The following GNB1 variants were observed in gnomAD, a reference collection of about 807,000 sequenced individuals.
GNB1 encodes the protein guanine nucleotide-binding protein G(I)/G(S)/G(T) subunit beta-1.
A neutral mutation model predicts 42.9 loss-of-function variants in GNB1; 2 were observed. The ratio of observed to expected loss-of-function variants is 0.05; its 90% CI spans 0.02 to 0.15. The LOEUF (loss-of-function observed/expected upper bound fraction) is 0.15. Among genes scored for constraint, GNB1 ranks in the 10% least tolerant of loss-of-function variants. The pLI, the probability that GNB1 is intolerant of heterozygous loss-of-function variation, is 1.00. For synonymous variants in GNB1, 183 were observed against 174.7 expected (o/e 1.05, Z -0.38); for missense variants, 193 against 462.2 (o/e 0.42, Z 5.34).
chr1:1,820,694 A>T (rs748568460), intron 3 of GNB1, among the ~76,000 whole-genome samples: 44 of 152,216 alleles, frequency 2.9e-4, no homozygotes, highest in Non-Finnish European at 5.4e-4. Flanking sequence ...AAAACATGAG[A>T]TTTAAGCAAC....
At chr1:1,816,983 C>T (rs555707746) in intron 4 of GNB1, among the ~76,000 whole-genome samples, 10 of 152,252 alleles carry the variant, frequency 6.6e-5, no homozygotes, top group African/African-American at 2.2e-4. Flanking sequence ...TTAAAGTCTA[C>T]AGTTCAGTGG....
At chr1:1,801,366 C>T (rs1340901558) in intron 7 of GNB1, among the ~76,000 whole-genome samples, 3 of 152,082 alleles carry the variant, frequency 2.0e-5, no homozygotes, top group Non-Finnish European at 4.4e-5. Flanking sequence ...ATTATAAGAC[C>T]CCTAATTTCT....
intron 1 of GNB1, among the ~76,000 whole-genome samples, chr1:1,870,467 A>ACT (rs1228214745): frequency 6.6e-6 from 1 of 152,186 alleles, no homozygotes; most frequent in East Asian, 1.9e-4. Flanking sequence ...TTATAGTTAT[A>ACT]AGCCACTATA....
At chr1:1,871,524 T>C (rs1475249319) in intron 1 of GNB1, among the ~76,000 whole-genome samples, 1 of 152,004 alleles carries the variant, frequency 6.6e-6, no homozygotes, top group Non-Finnish European at 1.5e-5. Context: ...ATCCCACCTC[T>C]CCGTGTCTCC....
At chr1:1,878,627 T>C (rs764797884) in intron 1 of GNB1, among the ~76,000 whole-genome samples, 15 of 152,208 alleles carry the variant, frequency 9.9e-5, no homozygotes, top group Non-Finnish European at 1.5e-4. Flanking sequence ...CACTGTCGCA[T>C]AGGTAACATT....
In GNB1 at chr1:1,815,827, T is replaced by C; in HGVS notation, c.132A>G (p.Gln44=). 6.2e-7 allele frequency: 1 copy of C among 1,610,186 alleles called. No homozygotes were observed. The highest frequency in any genetic ancestry group is 8.5e-7 in the Non-Finnish European group (1 of 1,176,366). Residue 44 remains glutamine (Q), a synonymous_variant, in exon 5 of 12, where the codon CAA becomes CAG. Transcript: ENST00000378609. The part of the protein sequence containing the change: ...TNNIDPVGRI[Q]MRTRRTLRGH... Reference sequence around the variant, plus strand: ...CCCGCAGTGTCCTCCTCGTGCGCATTTGGATTCTTCCCACTGGGTCGATGT... The same window carrying C: ...CCCGCAGTGTCCTCCTCGTGCGCATCTGGATTCTTCCCACTGGGTCGATGT...
chr1:1,852,136 G>A (rs1247629577), intron 1 of GNB1, among the ~76,000 whole-genome samples: 1 of 149,552 alleles, frequency 6.7e-6, no homozygotes, highest in East Asian at 1.9e-4. Flanking sequence ...CAAACGTTAG[G>A]AGCCAGGCGT....
chr1:1,813,575 C>T (rs1557897071), intron 5 of GNB1, among the ~76,000 whole-genome samples: 1 of 152,168 alleles, frequency 6.6e-6, no homozygotes, highest in African/African-American at 2.4e-5. Flanking sequence ...CTCTGCTTCC[C>T]TGACTCCTGG....
chr1:1,787,624 T>G lies in GNB1; in HGVS notation c.917-187A>C, dbSNP rs1341110332. ...ACCTGCAGCATATGGCCAGCCTTGT[T>G]AAAATTCAAAGACACGCACACACAC... On this transcript the variant is annotated intron_variant, in intron 10 of 11. Transcript: ENST00000378609. The surrounding 1 kb of genome is among the most constrained non-coding windows in gnomAD (Gnocchi z 4.4). Among the ~76,000 whole-genome samples, 2 of 152,100 alleles carry G rather than the reference T, an allele frequency of 1.3e-5. No homozygotes were observed. The highest frequency in any genetic ancestry group is 2.9e-5 in the Non-Finnish European group (2 of 68,006).
At chr1:1,888,151 G>A (rs559545823) in intron 1 of GNB1, among the ~76,000 whole-genome samples, 5 of 152,294 alleles carry the variant, frequency 3.3e-5, no homozygotes, top group Admixed American at 2.6e-4. Flanking sequence ...CAGATTACGC[G>A]AGAGAAATAG....
At chr1:1,873,740 C>T (rs909785800) in intron 1 of GNB1, among the ~76,000 whole-genome samples, 33 of 152,280 alleles carry the variant, frequency 2.2e-4, no homozygotes, top group African/African-American at 7.9e-4. Flanking sequence ...ATTGCTTGAA[C>T]CCCAGAGGCA....
At chr1:1,829,102 G>A (rs1347255090) in intron 2 of GNB1, among the ~76,000 whole-genome samples, 1 of 151,982 alleles carries the variant, frequency 6.6e-6, no homozygotes, top group Non-Finnish European at 1.5e-5. Flanking sequence ...TATCGCCCAG[G>A]CTGCAGTGCA....
At chr1:1,867,516 T>C (rs957886126) in intron 1 of GNB1, among the ~76,000 whole-genome samples, 3 of 152,220 alleles carry the variant, frequency 2.0e-5, no homozygotes, top group African/African-American at 7.2e-5. Context: ...TTTTTGAGCA[T>C]TGTCTGTCTT....
At chr1:1,821,514 C>G (rs763200553) in intron 3 of GNB1, among the ~76,000 whole-genome samples, 7 of 152,222 alleles carry the variant, frequency 4.6e-5, no homozygotes, top group Non-Finnish European at 8.8e-5. Context: ...CTTTAACAAG[C>G]ACGTATTCCT....
At chr1:1,885,095 G>A (rs982862182) in intron 1 of GNB1, among the ~76,000 whole-genome samples, 2 of 151,882 alleles carry the variant, frequency 1.3e-5, no homozygotes, top group African/African-American at 2.4e-5. Context: ...TTTTATCTAT[G>A]GCAAAATAGG....
At chr1:1,796,189 G>C (rs144347317) in intron 7 of GNB1, among the ~76,000 whole-genome samples, 10 of 152,316 alleles carry the variant, frequency 6.6e-5, no homozygotes, top group African/African-American at 2.2e-4. Context: ...AAGTGTCTGT[G>C]CATGTTCAGG....
intron 7 of GNB1, among the ~76,000 whole-genome samples, chr1:1,798,823 T>C (rs1311418134): frequency 2.0e-5 from 3 of 152,164 alleles, no homozygotes; most frequent in Non-Finnish European, 4.4e-5. Context: ...TGCCTCAGGA[T>C]CCCGAGTAGC....
At chr1:1,866,163 C>T (rs1378858711) in intron 1 of GNB1, among the ~76,000 whole-genome samples, 3 of 152,250 alleles carry the variant, frequency 2.0e-5, no homozygotes, top group South Asian at 4.1e-4. Context: ...TGGTCTCAAA[C>T]TCCTGACCTC....
chr1:1,888,555 C>A (rs1011184739), intron 1 of GNB1, among the ~76,000 whole-genome samples: 2 of 152,094 alleles, frequency 1.3e-5, no homozygotes, highest in African/African-American at 2.4e-5. Context: ...TCTGCCTTAC[C>A]GGCTGGGCGC....
Sources: allele counts gnomAD v4.1 joint callset (sites outside exome capture counted in the v4.1 genomes callset), GRCh38; gene constraint gnomAD v4.1.1; non-coding constraint Gnocchi (gnomAD v3.1); transcripts MANE v1.5; gene names NCBI Gene and HGNC (gene_info 2026-07-23, HGNC 2026-07-21).